Variants in DCC observed in about 807,000 individuals in gnomAD.
DCC encodes the protein DCC netrin 1 receptor.
In DCC, 58 loss-of-function variants were observed where a neutral mutation model predicts 172.5. The observed-to-expected ratio is 0.34, with a 90% CI of 0.27 to 0.42. The LOEUF (loss-of-function observed/expected upper bound fraction) is 0.42, where lower values mean the gene tolerates loss of function less well. Ranked by LOEUF, DCC falls within the 10% of genes least tolerant of loss-of-function variation. The pLI, the probability that DCC is intolerant of heterozygous loss-of-function variation, is 1.00. For synonymous variants in DCC, 709 were observed against 644.5 expected (o/e 1.10, Z -1.52); for missense variants, 1,740 against 1,791.0 (o/e 0.97, Z 0.51).
intron 5 of DCC, among the ~76,000 whole-genome samples, chr18:52,995,219 G>C (rs552941604): frequency 6.6e-6 from 1 of 152,200 alleles, no homozygotes; most frequent in South Asian, 2.1e-4. Context: ...TATGGACCTA[G>C]AACTACATAA....
intron 1 of DCC, among the ~76,000 whole-genome samples, chr18:52,575,097 A>G (rs2144765646): frequency 6.6e-6 from 1 of 152,102 alleles, no homozygotes; most frequent in East Asian, 1.9e-4. Flanking sequence ...TTAGCAGCCC[A>G]TTTATGTTAT....
Position 52,936,584 on chromosome 18 carries a change from A to C in DCC, c.985+11214A>C, listed in dbSNP as rs1451019287. On this transcript the variant is annotated intron_variant, in intron 5 of 28. Coordinates refer to ENST00000442544, the MANE Select transcript of DCC (RefSeq NM_005215.4). The stretch of plus-strand genomic sequence containing the variant: ...GGCCCCCGAGGGAAAAGCAAAGTCT[A>C]TGTACTAATACAGACCATTAAAAAG... 3.3e-5 allele frequency among the ~76,000 whole-genome samples: 2 copies of C among 60,134 alleles called. 1 individual carries two copies. The highest frequency in any genetic ancestry group is 1.0e-4 in the African/African-American group (2 of 19,488). The allele number at this position is 60,134 out of a possible 152,430, so 39.5% of individuals were successfully genotyped here. A position where few individuals can be genotyped will look rare whatever the true frequency, so the allele number is the denominator to read the frequency against.
chr18:52,480,489 A>T (rs187378462), intron 1 of DCC, among the ~76,000 whole-genome samples: 7 of 152,290 alleles, frequency 4.6e-5, no homozygotes, highest in Admixed American at 4.6e-4. Context: ...AGAACCAGGG[A>T]TCTATCAACA....
At chr18:52,657,975 A>T (rs1479271781) in intron 1 of DCC, among the ~76,000 whole-genome samples, 1 of 152,154 alleles carries the variant, frequency 6.6e-6, no homozygotes, top group Non-Finnish European at 1.5e-5. Context: ...TACACTTTTG[A>T]TTCTCTTTGC....
At chr18:52,375,205 G>A (rs8086236) in intron 1 of DCC, among the ~76,000 whole-genome samples, 5,154 of 152,244 alleles carry the variant, frequency 0.034, 287 homozygotes, top group African/African-American at 0.12. Context: ...AGAAGTCAGT[G>A]ACTTTAGGAT....
chr18:52,520,759 T>G (rs1427983158), intron 1 of DCC, among the ~76,000 whole-genome samples: 1 of 152,174 alleles, frequency 6.6e-6, no homozygotes, highest in African/African-American at 2.4e-5. Context: ...TTCCTAATAG[T>G]GTTAAGGGCC....
intron 1 of DCC, among the ~76,000 whole-genome samples, chr18:52,656,318 C>A (rs1254875162): frequency 6.6e-6 from 1 of 151,934 alleles, no homozygotes; most frequent in Non-Finnish European, 1.5e-5. Flanking sequence ...ACCTCCCTCA[C>A]TTCTCCAGCC....
intron 1 of DCC, among the ~76,000 whole-genome samples, chr18:52,570,925 C>G (rs2033277491): frequency 6.6e-6 from 1 of 152,048 alleles, no homozygotes; most frequent in South Asian, 2.1e-4. Flanking sequence ...GTTTTTCTAG[C>G]TGGCTGTGTC....
intron 1 of DCC, among the ~76,000 whole-genome samples, chr18:52,747,185 C>T (rs1056578134): frequency 1.2e-4 from 19 of 152,074 alleles, no homozygotes; most frequent in African/African-American, 2.2e-4. Context: ...TGTCAGACTC[C>T]GTTGTGTAAG....
chr18:53,246,793 G>A (rs553458310), intron 12 of DCC, among the ~76,000 whole-genome samples: 5 of 152,146 alleles, frequency 3.3e-5, no homozygotes, highest in East Asian at 1.9e-4. Context: ...TAGAATAGCC[G>A]AATTAGTTAC....
At chr18:53,104,882 T>G (rs1568307494) in intron 7 of DCC, among the ~76,000 whole-genome samples, 1 of 152,022 alleles carries the variant, frequency 6.6e-6, no homozygotes, top group South Asian at 2.1e-4. Context: ...CTGTGCAGTC[T>G]CCTAGAGAGG....
chr18:52,776,320 TTTA>T (rs1445618813), intron 2 of DCC, among the ~76,000 whole-genome samples: 1 of 152,060 alleles, frequency 6.6e-6, no homozygotes, highest in Non-Finnish European at 1.5e-5. Context: ...AAACATTTAA[TTTA>T]TTATATTTAT....
At chr18:52,402,789 G>C (rs947991208) in intron 1 of DCC, among the ~76,000 whole-genome samples, 5 of 152,004 alleles carry the variant, frequency 3.3e-5, no homozygotes, top group Non-Finnish European at 5.9e-5. Flanking sequence ...AATAGGGAAA[G>C]TAGGGAATAT....
At chr18:53,071,500 C>T (rs539148954) in intron 7 of DCC, among the ~76,000 whole-genome samples, 1 of 152,094 alleles carries the variant, frequency 6.6e-6, no homozygotes, top group Non-Finnish European at 1.5e-5. Flanking sequence ...GCTATCTATG[C>T]AATTATTTAT....
intron 9 of DCC, among the ~76,000 whole-genome samples, chr18:53,179,481 C>T (rs1217042940): frequency 6.6e-6 from 1 of 152,112 alleles, no homozygotes; most frequent in African/African-American, 2.4e-5. Flanking sequence ...AGTGTAACAT[C>T]AAAGGTAAAA....
chr18:53,155,346 G>A (rs1183296915), intron 7 of DCC, among the ~76,000 whole-genome samples: 1 of 152,144 alleles, frequency 6.6e-6, no homozygotes, highest in African/African-American at 2.4e-5. Context: ...CCGGTTTGAA[G>A]ATTTTATATC....
intron 12 of DCC, among the ~76,000 whole-genome samples, chr18:53,282,064 G>T (rs1231791517): frequency 7.8e-6 from 1 of 128,254 alleles, no homozygotes; most frequent in Non-Finnish European, 1.7e-5. Context: ...AGAAACAAAT[G>T]GCTTTTTTTC....
intron 1 of DCC, among the ~76,000 whole-genome samples, chr18:52,397,735 T>C (rs1178989960): frequency 6.6e-6 from 1 of 152,038 alleles, no homozygotes; most frequent in Non-Finnish European, 1.5e-5. Context: ...CCATTGCCAT[T>C]AGAGTCTGCC....
At chr18:52,929,542 C>T (rs2040271188) in intron 5 of DCC, among the ~76,000 whole-genome samples, 1 of 152,040 alleles carries the variant, frequency 6.6e-6, no homozygotes, top group Non-Finnish European at 1.5e-5. Context: ...ACAAGCTGTT[C>T]TTTGAAAATG....
Sources: gnomAD v4.1 joint callset for allele counts (sites outside exome capture counted in the v4.1 genomes callset) on GRCh38, gnomAD v4.1.1 for gene constraint, MANE v1.5 for transcripts, NCBI Gene and HGNC (gene_info 2026-07-23, HGNC 2026-07-21) for gene names.